PLSCR5: variants seen among roughly 807,000 people sequenced by gnomAD.
The protein encoded by PLSCR5 is phospholipid scramblase family, member 5.
In PLSCR5, 44 loss-of-function variants were observed where a neutral mutation model predicts 33.6. That is an observed-to-expected ratio of 1.31 (90% CI 1.03 to 1.69). The LOEUF is 1.69. PLSCR5 is among the 40% of genes most tolerant of loss of function. The probability of loss-of-function intolerance (pLI) is 0.00; values close to 1 mark genes in which losing one functional copy is unlikely to be tolerated. For missense variants in PLSCR5, 375 were observed against 318.7 expected, an observed-to-expected ratio of 1.18 and a Z score of -1.34; for synonymous variants, 148 against 112.3, an observed-to-expected ratio of 1.32 and a Z score of -2.01.
intron 1 of PLSCR5, among the ~76,000 whole-genome samples, chr3:146,604,283 G>A (rs959366798): frequency 5.3e-5 from 8 of 152,010 alleles, no homozygotes; most frequent in African/African-American, 1.9e-4. Flanking sequence ...TGTTTTTAGT[G>A]AGATTGCAAC....
chr3:146,592,326 T>C (rs1459366308), intron 4 of PLSCR5, among the ~76,000 whole-genome samples: 1 of 152,086 alleles, frequency 6.6e-6, no homozygotes, highest in Non-Finnish European at 1.5e-5. Flanking sequence ...TTCTCTAAGA[T>C]TATAAGCTCC....
At chr3:146,590,490 TAGA>T (rs1308755613) in intron 5 of PLSCR5, among the ~76,000 whole-genome samples, 2 of 152,078 alleles carry the variant, frequency 1.3e-5, no homozygotes, top group East Asian at 1.9e-4. Context: ...CCTTCTCAGC[TAGA>T]AGGAGTTCAC....
At chr3:146,582,951 A>G (rs569637330), downstream of PLSCR5, among the ~76,000 whole-genome samples, 1 of 152,150 alleles carries the variant, frequency 6.6e-6, no homozygotes, top group Admixed American at 6.5e-5. Flanking sequence ...TGTGGCTTCC[A>G]CCCAGAAGTG....
chr3:146,593,169 T>G (rs2044729470), intron 4 of PLSCR5, among the ~76,000 whole-genome samples: 1 of 152,108 alleles, frequency 6.6e-6, no homozygotes, highest in Non-Finnish European at 1.5e-5. Flanking sequence ...ATTTCCTGAT[T>G]TCTTGAATGT....
In PLSCR5 at chr3:146,591,734, C is replaced by T. The variant is rs547743521; in HGVS notation, c.601G>A (p.Asp201Asn). The T allele has an allele frequency of 9.9e-6, 16 of 1,609,780 alleles. No individual in the cohort carries two copies. The highest frequency in any genetic ancestry group is 2.7e-5 in the African/African-American group (2 of 74,788). The change falls in exon 5 of 8, where the codon GAT becomes AAT. Residue 201 changes from aspartate to asparagine, a missense_variant. Transcript: ENST00000443512. Reference protein sequence around the residue: ...GPCVTCGCFGDVDFEVKTINE... With the variant: ...GPCVTCGCFGNVDFEVKTINE... ...GTCAATTGTACCTCAAAATCCACAT[C>T]GCCAAAACAGCCACATGTCACACAA...
At chr3:146,585,390 A>G (rs1472939949), downstream of PLSCR5, among the ~76,000 whole-genome samples, 1 of 152,078 alleles carries the variant, frequency 6.6e-6, no homozygotes, top group Non-Finnish European at 1.5e-5. Context: ...GTAGGTATTT[A>G]AAGCATGCTT....
downstream of PLSCR5, among the ~76,000 whole-genome samples, chr3:146,584,398 G>A (rs1446106849): frequency 6.6e-6 from 1 of 152,150 alleles, no homozygotes; most frequent in Non-Finnish European, 1.5e-5. Context: ...TCCAGGTTAT[G>A]TCTATTGCAT....
intron 2 of PLSCR5, among the ~76,000 whole-genome samples, chr3:146,598,427 T>A (rs1288747281): frequency 6.6e-6 from 1 of 152,216 alleles, no homozygotes; most frequent in Non-Finnish European, 1.5e-5. Context: ...GGAAATTACC[T>A]TTCCCTTTAG....
In PLSCR5 at chr3:146,591,720, C is replaced by G. The variant is rs779825304; in HGVS notation, c.615G>C (p.Glu205Asp). The G allele has an allele frequency of 6.2e-7, 1 of 1,607,320 alleles. No individual in the cohort carries two copies. Among genetic ancestry groups the G allele is most frequent in the Non-Finnish European group, 8.5e-7 (1 of 1,177,024 alleles). The change falls in exon 5 of 8, where the codon GAG becomes GAC. Residue 205 changes from glutamate (E) to aspartate (D), a missense_variant and splice_region_variant. By Grantham distance (45) the Glu-to-Asp change is conservative (BLOSUM62 2). Transcript: ENST00000443512. Reference sequence around the variant, plus strand: ...ACTTCTTTCATTTTGTCAATTGTACCTCAAAATCCACATCGCCAAAACAGC... The same window carrying G: ...ACTTCTTTCATTTTGTCAATTGTACGTCAAAATCCACATCGCCAAAACAGC... Reference protein sequence around the residue: ...TCGCFGDVDFEVKTINEKLTI... With the variant: ...TCGCFGDVDFDVKTINEKLTI...
intron 1 of PLSCR5, among the ~76,000 whole-genome samples, chr3:146,602,686 AT>A (rs1427976965): frequency 6.6e-6 from 1 of 152,106 alleles, no homozygotes; most frequent in African/African-American, 2.4e-5. Flanking sequence ...ATTCTCTCTC[AT>A]TGTAAACTTA....
At position 146,596,565 on chromosome 3, in the gene PLSCR5, C is replaced by T. The variant is rs554126201; in HGVS notation, c.190-1482G>A. ...TGCAAAAGCATGAACACTAAATATG[C>T]TGCTGATCATTGTATTTTCTAACGC... On this transcript the variant is annotated intron_variant, in intron 2 of 7. Coordinates refer to ENST00000443512, the MANE Select transcript of PLSCR5 (RefSeq NM_001085420.2). Among the ~76,000 whole-genome samples the T allele has an allele frequency of 4.6e-5, 7 of 152,274 alleles. 2 individuals carry two copies. The highest frequency in any genetic ancestry group is 1.7e-4 in the African/African-American group (7 of 41,578).
intron 6 of PLSCR5, 45 bp from the exon 7 acceptor site, chr3:146,586,157 A>G: frequency 1.4e-6 from 2 of 1,413,636 alleles, no homozygotes; most frequent in Admixed American, 6.8e-5. Context: ...CAAAAAGACA[A>G]CAATTAAGAT....
At chr3:146,586,177 G>T in intron 6 of PLSCR5, 65 bp from the exon 7 acceptor site, 2 of 1,362,978 alleles carry the variant, frequency 1.5e-6, no homozygotes, top group South Asian at 1.6e-5. Flanking sequence ...TCAAAAGTTT[G>T]ACATGCAAGC....
At chr3:146,604,561 G>A (rs569285880) in intron 1 of PLSCR5, among the ~76,000 whole-genome samples, 50 of 151,966 alleles carry the variant, frequency 3.3e-4, no homozygotes, top group Non-Finnish European at 3.5e-4. Flanking sequence ...CAATAATAAC[G>A]CATGTCAGAT....
intron 6 of PLSCR5, among the ~76,000 whole-genome samples, chr3:146,586,878 GAAAGT>G (rs2044670112): frequency 6.6e-6 from 1 of 152,000 alleles, no homozygotes; most frequent in African/African-American, 2.4e-5. Flanking sequence ...TATGTATAAG[GAAAGT>G]AATTTATCTT....
chr3:146,592,084 G>A (rs563542085), intron 4 of PLSCR5, among the ~76,000 whole-genome samples: 7 of 152,024 alleles, frequency 4.6e-5, no homozygotes, highest in East Asian at 1.9e-4. Flanking sequence ...ATAAACATAC[G>A]TTTAGCACTG....
At position 146,594,094 on chromosome 3, in the gene PLSCR5, G is replaced by C. The variant is rs757731129; in HGVS notation, c.279C>G (p.Ser93Arg). 1.1e-5 allele frequency: 18 copies of C among 1,613,658 alleles called. No homozygotes were observed. Among genetic ancestry groups the C allele is most frequent in the Admixed American group, 8.3e-5 (5 of 59,980 alleles). ...CTGCAAAGTAAATTCTTTGTCCCAA[G>C]CTGTTTTTAATCTCATATTTGTTGG... Reference protein sequence around the residue: ...ETSNKYEIKNSLGQRIYFAVE... With the variant: ...ETSNKYEIKNRLGQRIYFAVE... Residue 93 changes from serine (S) to arginine (R), a missense_variant, in exon 4 of 8, where the codon AGC becomes AGG. Coordinates refer to ENST00000443512, the MANE Select transcript of PLSCR5 (RefSeq NM_001085420.2).
rs1342299276 is a variant in PLSCR5, at chr3:146,591,795, A to G, written c.540T>C (p.Asn180=). Residue 180 remains asparagine, a synonymous_variant, in exon 5 of 8, where the codon AAT becomes AAC. Transcript: ENST00000443512. ...DPFLPKFTIQ[N]ANKEDILKIV... ...TTTTCAAAATATCTTCTTTGTTTGC[A>G]TTTTGGATTGTGAATTTAGGCAGAA... is the stretch of plus-strand genomic sequence containing the variant. The G allele has an allele frequency of 6.2e-7, 1 of 1,612,280 alleles. No homozygotes were observed. The highest frequency in any genetic ancestry group is 8.5e-7 in the Non-Finnish European group (1 of 1,178,978).
intron 6 of PLSCR5, 94 bp downstream of exon 6, chr3:146,589,559 G>T: frequency 8.6e-7 from 1 of 1,162,498 alleles, no homozygotes; most frequent in Non-Finnish European, 1.2e-6. Context: ...TACTCTTTGG[G>T]GGTAAAAACT....
Sources: gnomAD v4.1 joint callset for allele counts (sites outside exome capture counted in the v4.1 genomes callset) on GRCh38, gnomAD v4.1.1 for gene constraint, MANE v1.5 for transcripts, NCBI Gene and HGNC (gene_info 2026-07-23, HGNC 2026-07-21) for gene names.